Variants in HSD17B11 observed in about 807,000 individuals in gnomAD.
HSD17B11 encodes the protein hydroxysteroid 17-beta dehydrogenase 11.
A neutral mutation model predicts 27.8 loss-of-function variants in HSD17B11; 22 were observed. The ratio of observed to expected loss-of-function variants is 0.79; its 90% CI spans 0.56 to 1.13. The LOEUF (loss-of-function observed/expected upper bound fraction) is 1.13. Among genes scored for constraint, HSD17B11 ranks in the 50% most tolerant of loss-of-function variants. The probability of loss-of-function intolerance (pLI) is 0.00; values close to 1 mark genes in which losing one functional copy is unlikely to be tolerated. For missense variants in HSD17B11, 314 were observed against 351.1 expected, an observed-to-expected ratio of 0.89 and a Z score of 0.84; for synonymous variants, 117 against 132.8, an observed-to-expected ratio of 0.88 and a Z score of 0.82.
At chr4:87,347,121 T>TC (rs1204755940) in intron 5 of HSD17B11, among the ~76,000 whole-genome samples, 5 of 75,324 alleles carry the variant, frequency 6.6e-5, no homozygotes, top group East Asian at 3.7e-4. Context: ...TTTTTCTTTT[T>TC]TTTTTTTTTT....
chr4:87,342,509 C>G (rs527574930), intron 5 of HSD17B11, among the ~76,000 whole-genome samples: 17 of 151,392 alleles, frequency 1.1e-4, no homozygotes, highest in African/African-American at 4.1e-4. Context: ...GAGTTGGAAA[C>G]CAGCCTAGGC....
At chr4:87,380,118 A>T (rs530135506) in intron 2 of HSD17B11, among the ~76,000 whole-genome samples, 1 of 148,068 alleles carries the variant, frequency 6.8e-6, no homozygotes, top group South Asian at 2.1e-4. Flanking sequence ...CTCAAAAAAA[A>T]AAAACGTTCT....
chr4:87,379,788 T>C (rs9307034), intron 2 of HSD17B11, among the ~76,000 whole-genome samples: 1 of 76,614 alleles, frequency 1.3e-5, no homozygotes, highest in Non-Finnish European at 3.4e-5. Flanking sequence ...TAATAGTATA[T>C]TATAGTATAA....
At chr4:87,363,288 A>G (rs1449855135) in intron 4 of HSD17B11, among the ~76,000 whole-genome samples, 1 of 152,172 alleles carries the variant, frequency 6.6e-6, no homozygotes, top group Non-Finnish European at 1.5e-5. Context: ...CTCTCTGTGC[A>G]AACAGTTGAA....
At chr4:87,378,897 TATATATA>T (rs1560769377) in intron 2 of HSD17B11, among the ~76,000 whole-genome samples, 59 of 17,262 alleles carry the variant, frequency 3.4e-3, no homozygotes, top group African/African-American at 0.028. Flanking sequence ...TATATATAAA[TATATATA>T]AATATATATA....
At chr4:87,354,307 AAATAAT>A (rs528605380) in intron 5 of HSD17B11, among the ~76,000 whole-genome samples, 2 of 151,996 alleles carry the variant, frequency 1.3e-5, no homozygotes, top group African/African-American at 4.8e-5. Context: ...TCCACTAAAA[AAATAAT>A]AATAATAATA....
At chr4:87,377,984 G>C (rs1043437159) in intron 2 of HSD17B11, among the ~76,000 whole-genome samples, 2 of 152,168 alleles carry the variant, frequency 1.3e-5, no homozygotes, top group South Asian at 4.1e-4. Context: ...CATACCCAAG[G>C]TCACATGGCT....
chr4:87,383,980 GA>G (rs1194340304), intron 1 of HSD17B11, among the ~76,000 whole-genome samples: 1 of 152,118 alleles, frequency 6.6e-6, no homozygotes, highest in East Asian at 1.9e-4. Context: ...AGAGGATGGT[GA>G]ATCAGTGTAC....
chr4:87,364,608 A>C (rs1202113975), intron 4 of HSD17B11, among the ~76,000 whole-genome samples: 1 of 152,224 alleles, frequency 6.6e-6, no homozygotes, highest in Non-Finnish European at 1.5e-5. Flanking sequence ...TGAGACTCTC[A>C]TGAGGATGGG....
intron 4 of HSD17B11, among the ~76,000 whole-genome samples, chr4:87,359,004 T>G (rs1735452740): frequency 6.6e-6 from 1 of 152,074 alleles, no homozygotes. Context: ...TCTCACAAGA[T>G]CTGATGGTTT....
intron 5 of HSD17B11, among the ~76,000 whole-genome samples, chr4:87,355,750 G>A (rs533382149): frequency 9.2e-5 from 14 of 152,038 alleles, no homozygotes; most frequent in Non-Finnish European, 1.8e-4. Flanking sequence ...TTAAAAATAC[G>A]GAAATTAGTT....
At chr4:87,381,384 C>G (rs1720163781) in intron 2 of HSD17B11, among the ~76,000 whole-genome samples, 2 of 152,082 alleles carry the variant, frequency 1.3e-5, no homozygotes, top group Admixed American at 1.3e-4. Context: ...TTAACAGGTA[C>G]AAGCGAGAAT....
chr4:87,370,107 C>A (rs987752282), intron 4 of HSD17B11, among the ~76,000 whole-genome samples: 5 of 152,120 alleles, frequency 3.3e-5, no homozygotes, highest in Non-Finnish European at 7.3e-5. Context: ...TGTAGTAACT[C>A]AGGACAATGA....
intron 2 of HSD17B11, among the ~76,000 whole-genome samples, chr4:87,378,879 TAAATATATATATATAA>T (rs1720018135): frequency 1.7e-4 from 5 of 28,880 alleles, no homozygotes; most frequent in Admixed American, 1.3e-3. Flanking sequence ...TATATATATA[TAAATATATATATATAA>T]ATATATATAA....
chr4:87,358,950 T>G (rs1336336313), intron 4 of HSD17B11, among the ~76,000 whole-genome samples: 1 of 152,266 alleles, frequency 6.6e-6, no homozygotes, highest in African/African-American at 2.4e-5. Context: ...GACTGGATCG[T>G]GGGGGCAGTT....
chr4:87,369,432 CT>C lies in HSD17B11; in HGVS notation c.557+3276del, dbSNP rs764707419. ...GAATTAGTACTTCTTATTCCAAATT[CT>C]TTTTTTTTTTTTCTTTTTGTGTTGA... On this transcript the variant is annotated intron_variant, in intron 4 of 6. Coordinates refer to ENST00000358290, the MANE Select transcript of HSD17B11 (RefSeq NM_016245.5). Among the ~76,000 whole-genome samples the C allele has an allele frequency of 3.8e-3, 534 of 141,036 alleles. 4 individuals are homozygous for C. Among genetic ancestry groups the C allele is most frequent in the Non-Finnish European group, 5.1e-3 (335 of 65,644 alleles). The allele number at this position is 141,036 out of a possible 152,430, so 92.5% of individuals were successfully genotyped here.
chr4:87,380,121 A>C (rs1048127314), intron 2 of HSD17B11, among the ~76,000 whole-genome samples: 69 of 148,142 alleles, frequency 4.7e-4, no homozygotes, highest in African/African-American at 1.5e-3. Context: ...AAAAAAAAAA[A>C]ACGTTCTGAT....
intron 2 of HSD17B11, among the ~76,000 whole-genome samples, chr4:87,378,871 TATATATATAAATATATATATATAA>T (rs1305923529): frequency 0.18 from 4,639 of 25,260 alleles, 533 homozygotes; most frequent in South Asian, 0.26. Flanking sequence ...TATATAAATA[TATATATATAAATATATATATATAA>T]ATATATATAA....
At chr4:87,380,858 T>G (rs1445939908) in intron 2 of HSD17B11, among the ~76,000 whole-genome samples, 1 of 66,190 alleles carries the variant, frequency 1.5e-5, no homozygotes, top group Admixed American at 2.1e-4. Context: ...AGCTAGACTC[T>G]ATCTCAAAAA....
Sources: gnomAD v4.1 joint callset for allele counts (sites outside exome capture counted in the v4.1 genomes callset) on GRCh38, gnomAD v4.1.1 for gene constraint, MANE v1.5 for transcripts, NCBI Gene and HGNC (gene_info 2026-07-23, HGNC 2026-07-21) for gene names.